CACNA1C: variants seen among roughly 807,000 people sequenced by gnomAD.
CACNA1C encodes the protein calcium voltage-gated channel subunit alpha1 C, also known as voltage-dependent L-type calcium channel subunit alpha-1C.
CACNA1C carries 30 observed loss-of-function variants against 229.0 expected under a neutral mutation model. The observed-to-expected ratio is 0.13, with a 90% CI of 0.10 to 0.18. The LOEUF (loss-of-function observed/expected upper bound fraction) is 0.18. Among genes scored for constraint, CACNA1C ranks in the 10% least tolerant of loss-of-function variants. The pLI, the probability that CACNA1C is intolerant of heterozygous loss-of-function variation, is 1.00. For missense variants in CACNA1C, 1,658 were observed against 2,845.0 expected, an observed-to-expected ratio of 0.58 and a Z score of 9.49; for synonymous variants, 1,114 against 1,132.5, an observed-to-expected ratio of 0.98 and a Z score of 0.33.
At chr12:2,442,937 G>T (rs1161579697) in intron 3 of CACNA1C, among the ~76,000 whole-genome samples, 1 of 152,182 alleles carries the variant, frequency 6.6e-6, no homozygotes, top group Non-Finnish European at 1.5e-5. Context: ...CAACCCTAGG[G>T]ATTACAATTG....
chr12:2,596,709 G>A (rs2068409702), intron 20 of CACNA1C, among the ~76,000 whole-genome samples: 1 of 152,082 alleles, frequency 6.6e-6, no homozygotes, highest in African/African-American at 2.4e-5. Flanking sequence ...TCCTCAGCCT[G>A]TGCAGACCTC....
In CACNA1C at chr12:2,053,650, C is replaced by G. The variant is rs761544048; in HGVS notation, c.49+39C>G. On this transcript the variant is annotated intron_variant, in intron 1 of 46. Transcript: ENST00000399655. This position sits in a 1 kb window ranked among gnomAD's most constrained non-coding sequence, Gnocchi z 5.8. ...CCGCCGCCTCGCCGGGGCTCCCTGC[C>G]TTTTCCACCGGGTTCCTGCCCTACC... is the stretch of plus-strand genomic sequence containing the variant. 69 of 1,518,286 alleles carry G rather than the reference C, an allele frequency of 4.5e-5. 1 individual carries two copies. The highest frequency in any genetic ancestry group is 2.0e-4 in the Admixed American group (10 of 51,030). The allele number at this position is 1,518,286 out of a possible 1,614,324, so 94.1% of individuals were successfully genotyped here.
intron 1 of CACNA1C, among the ~76,000 whole-genome samples, chr12:1,999,261 T>C (rs2041632581): frequency 6.6e-6 from 1 of 152,244 alleles, no homozygotes; most frequent in Admixed American, 6.5e-5. Flanking sequence ...ACATACTCTC[T>C]GCCCATGAAA....
intron 3 of CACNA1C, among the ~76,000 whole-genome samples, chr12:2,213,184 G>A (rs1599321686): frequency 6.6e-6 from 1 of 152,212 alleles, no homozygotes; most frequent in East Asian, 1.9e-4. Context: ...GGAGCTGGAC[G>A]GGCATCTGAC....
chr12:2,001,271 T>C (rs1246204401), intron 1 of CACNA1C, among the ~76,000 whole-genome samples: 1 of 152,150 alleles, frequency 6.6e-6, no homozygotes, highest in Non-Finnish European at 1.5e-5. Flanking sequence ...GGAGAATAGC[T>C]AAAACAAGAT....
intron 3 of CACNA1C, among the ~76,000 whole-genome samples, chr12:2,426,943 A>G (rs1239213094): frequency 1.3e-5 from 2 of 152,224 alleles, no homozygotes; most frequent in Admixed American, 6.5e-5. Flanking sequence ...ATTCCACCAT[A>G]TTCTTTTGGT....
At chr12:2,153,615 G>C (rs778657770) in intron 3 of CACNA1C, among the ~76,000 whole-genome samples, 1 of 152,194 alleles carries the variant, frequency 6.6e-6, no homozygotes, top group Non-Finnish European at 1.5e-5. Flanking sequence ...TCATGGGAGA[G>C]GCAAGTGGAT....
Position 2,160,967 on chromosome 12 carries a change from G to A in CACNA1C, c.477+40537G>A, listed in dbSNP as rs983179725. ...CTCCTGAGTAGCTGGGACTACAGGC[G>A]TGCGCCACCACACTTGACTAATTTT... is the stretch of plus-strand genomic sequence containing the variant. On this transcript the variant is annotated intron_variant, in intron 3 of 46. Transcript: ENST00000399655. 2.6e-5 allele frequency among the ~76,000 whole-genome samples: 4 copies of A among 152,136 alleles called. No individual in the cohort carries two copies. The South Asian group carries it at 6.2e-4, about 24-fold the overall frequency.
At chr12:2,440,786 C>G (rs1331656948) in intron 3 of CACNA1C, among the ~76,000 whole-genome samples, 1 of 152,180 alleles carries the variant, frequency 6.6e-6, no homozygotes, top group Non-Finnish European at 1.5e-5. Flanking sequence ...CTCCATATCC[C>G]AAGGAGTTTG....
intron 1 of CACNA1C, among the ~76,000 whole-genome samples, chr12:2,072,247 G>T (rs1386604899): frequency 1.3e-5 from 2 of 151,942 alleles, no homozygotes; most frequent in Non-Finnish European, 2.9e-5. Context: ...CACCCAGGCT[G>T]GAGTGCAGTG....
intron 8 of CACNA1C, among the ~76,000 whole-genome samples, chr12:2,506,833 T>A (rs2099772945): frequency 6.6e-6 from 1 of 152,186 alleles, no homozygotes; most frequent in Admixed American, 6.5e-5. Context: ...CCCTGGAGAC[T>A]GGGAACCAAA....
chr12:2,245,678 C>T (rs936023574), intron 3 of CACNA1C, among the ~76,000 whole-genome samples: 1 of 152,158 alleles, frequency 6.6e-6, no homozygotes, highest in African/African-American at 2.4e-5. Context: ...AGTGAAAGTT[C>T]ATTTATTATC....
chr12:2,266,895 T>C (rs537596267), intron 3 of CACNA1C, among the ~76,000 whole-genome samples: 20 of 152,330 alleles, frequency 1.3e-4, no homozygotes, highest in Admixed American at 7.2e-4. Flanking sequence ...AGCTTTTCTT[T>C]GCTCTTCTGT....
intron 6 of CACNA1C, among the ~76,000 whole-genome samples, chr12:2,489,026 C>T (rs1284480890): frequency 2.0e-5 from 3 of 152,222 alleles, no homozygotes; most frequent in Non-Finnish European, 4.4e-5. Flanking sequence ...AGACCAAATA[C>T]TTGCAGGCTT....
rs143017852 is a variant in CACNA1C, at chr12:2,028,278, A to G, written c.139+57077A>G. On this transcript the variant is annotated intron_variant, in intron 1 of 46. Coordinates refer to the CACNA1C transcript ENST00000682462. The stretch of plus-strand genomic sequence containing the variant: ...AGCGGGTCTGCATCCTCCCTCCCCC[A>G]TCTTGAGCCAGAACAACCCCATGCT... Among the ~76,000 whole-genome samples the G allele has an allele frequency of 2.0e-5, 3 of 152,298 alleles. No homozygotes were observed. In the East Asian group the frequency reaches 5.8e-4, roughly 29 times the overall value.
chr12:2,658,949 C>T (rs113572648), intron 34 of CACNA1C, among the ~76,000 whole-genome samples: 1,660 of 151,354 alleles, frequency 0.011, 34 homozygotes, highest in African/African-American at 0.038. Context: ...TTTTAAGTTG[C>T]GTTATTACAA....
chr12:2,555,737 C>T (rs920827018), intron 10 of CACNA1C, among the ~76,000 whole-genome samples: 7 of 152,190 alleles, frequency 4.6e-5, no homozygotes, highest in African/African-American at 1.7e-4. Flanking sequence ...GGCTCAGACT[C>T]GCAGTGCCCC....
At position 2,053,480 on chromosome 12, in the gene CACNA1C, G is replaced by T; in HGVS notation, c.-83G>T. ...GCGAAAGCCGCCGGCCTCGGAGGAG[G>T]GATTAATCCAGACCCGCCGGGGGGT... On this transcript the variant is annotated 5_prime_UTR_variant, in exon 1 of 47. Transcript: ENST00000399655. The surrounding 1 kb of genome is among the most constrained non-coding windows in gnomAD (Gnocchi z 5.8). 6.6e-7 allele frequency: 1 copy of T among 1,524,096 alleles called. No individual in the cohort carries two copies. Among genetic ancestry groups the T allele is most frequent in the Non-Finnish European group, 8.8e-7 (1 of 1,131,996 alleles). The allele number at this position is 1,524,096 out of a possible 1,614,324, so 94.4% of individuals were successfully genotyped here.
intron 5 of CACNA1C, among the ~76,000 whole-genome samples, chr12:2,475,682 G>A (rs1338389236): frequency 3.9e-5 from 6 of 152,202 alleles, no homozygotes; most frequent in Non-Finnish European, 7.3e-5. Flanking sequence ...ATCAAACACA[G>A]AAACTGAAAA....
Sources: allele counts gnomAD v4.1 joint callset (sites outside exome capture counted in the v4.1 genomes callset), GRCh38; gene constraint gnomAD v4.1.1; non-coding constraint Gnocchi (gnomAD v3.1); transcripts MANE v1.5; gene names NCBI Gene and HGNC (gene_info 2026-07-23, HGNC 2026-07-21).